SRGAP2B: variants seen among roughly 807,000 people sequenced by gnomAD.
SRGAP2B encodes the protein SLIT-ROBO Rho GTPase activating protein 2B, also known as SLIT-ROBO Rho GTPase-activating protein 2B.
SRGAP2B carries 9 observed loss-of-function variants against 22.2 expected under a neutral mutation model. That is an observed-to-expected ratio of 0.41 (90% CI 0.24 to 0.71). The LOEUF (loss-of-function observed/expected upper bound fraction) is 0.71. SRGAP2B is among the 30% of genes least tolerant of loss of function. The probability of loss-of-function intolerance (pLI) is 0.35; values close to 1 mark genes in which losing one functional copy is unlikely to be tolerated. For missense variants in SRGAP2B, 114 were observed against 235.8 expected (o/e 0.48, Z 3.38); for synonymous variants, 36 against 87.4 (o/e 0.41, Z 3.28).
intron 2 of SRGAP2B, among the ~76,000 whole-genome samples, chr1:144,997,156 C>T (rs1386022107): frequency 6.0e-5 from 9 of 150,560 alleles, no homozygotes; most frequent in East Asian, 1.9e-4. Flanking sequence ...GTGCCAGGCG[C>T]GGTGGCTCAC....
intron 5 of SRGAP2B, among the ~76,000 whole-genome samples, chr1:144,912,116 AT>A (rs1157778341): frequency 2.7e-5 from 4 of 146,174 alleles, no homozygotes; most frequent in African/African-American, 7.9e-5. Flanking sequence ...ATGCCCAGCT[AT>A]TTTTTTTTGT....
chr1:145,012,028 C>T (rs1331453147), intron 2 of SRGAP2B, among the ~76,000 whole-genome samples: 2 of 151,018 alleles, frequency 1.3e-5, no homozygotes, highest in Non-Finnish European at 1.5e-5. Context: ...CCCACAGTCA[C>T]GTGGTTAGCT....
intron 4 of SRGAP2B, among the ~76,000 whole-genome samples, chr1:144,927,414 A>G (rs1349281233): frequency 8.0e-5 from 12 of 150,774 alleles, no homozygotes; most frequent in African/African-American, 3.0e-4. Context: ...GTCTGAAAAC[A>G]TCTTTAGTTC....
At chr1:144,952,506 T>TC (rs1570829672) in intron 4 of SRGAP2B, among the ~76,000 whole-genome samples, 1 of 150,260 alleles carries the variant, frequency 6.7e-6, no homozygotes, top group African/African-American at 2.5e-5. Flanking sequence ...GAATCAATTT[T>TC]TTTTTTTTTA....
chr1:145,076,104 G>C (rs1413694609), intron 2 of SRGAP2B, among the ~76,000 whole-genome samples: 1 of 150,404 alleles, frequency 6.6e-6, no homozygotes, highest in Non-Finnish European at 1.5e-5. Context: ...TCCAAAGGGA[G>C]AGAAATATAC....
rs1372296402 is a variant in SRGAP2B at position 144,912,098 on chromosome 1, C to T, written c.486+2594G>A. 2.7e-5 allele frequency among the ~76,000 whole-genome samples: 4 copies of T among 148,456 alleles called. 1 individual carries two copies. The East Asian group carries it at 7.8e-4, about 29-fold the overall frequency. ...CCCCAGTAGCTGGGACTACAGGCACCCGCCACCATGCCCAGCTATTTTTTT... is the reference window on the plus strand; with the variant it reads ...CCCCAGTAGCTGGGACTACAGGCACTCGCCACCATGCCCAGCTATTTTTTT... On this transcript the variant is annotated intron_variant, in intron 5 of 9. Coordinates refer to ENST00000612199, the Ensembl canonical transcript of SRGAP2B.
intron 2 of SRGAP2B, among the ~76,000 whole-genome samples, chr1:145,067,994 G>C (rs587619312): frequency 5.1e-5 from 2 of 39,214 alleles, no homozygotes; most frequent in Non-Finnish European, 9.8e-5. Context: ...ACGAGGTCAA[G>C]TGTTTGAGAC....
chr1:144,934,403 C>CAAAAAAAAA (rs782588401), intron 4 of SRGAP2B, among the ~76,000 whole-genome samples: 24 of 40,678 alleles, frequency 5.9e-4, no homozygotes, highest in African/African-American at 2.3e-3. Context: ...AACTCCATCT[C>CAAAAAAAAA]AAAAAAAAAA....
rs1382251753 is a variant in SRGAP2B, at chr1:145,070,029, T to C, written c.67+22806A>G. 2.7e-5 allele frequency among the ~76,000 whole-genome samples: 4 copies of C among 149,648 alleles called. No individual in the cohort carries two copies. The South Asian group carries it at 8.5e-4, about 32-fold the overall frequency. On this transcript the variant is annotated intron_variant, in intron 2 of 9. Transcript: ENST00000612199. ...TCCTTTGGCTGGTTGAGAAGGAATG[T>C]CATCTTTTTTTTTTTTTTTTTAAAG...
intron 2 of SRGAP2B, among the ~76,000 whole-genome samples, chr1:145,057,017 A>C (rs1650468680): frequency 6.8e-6 from 1 of 148,074 alleles, no homozygotes; most frequent in African/African-American, 2.5e-5. Flanking sequence ...GCATTAAAAA[A>C]TAATAATAAT....
chr1:144,922,694 C>G (rs1335403191), intron 4 of SRGAP2B, among the ~76,000 whole-genome samples: 3 of 150,262 alleles, frequency 2.0e-5, no homozygotes, highest in Admixed American at 6.6e-5. Context: ...GGCTGTACAA[C>G]TAGGATATGG....
At chr1:144,921,368 A>G (rs1664241602) in intron 4 of SRGAP2B, among the ~76,000 whole-genome samples, 1 of 147,390 alleles carries the variant, frequency 6.8e-6, no homozygotes, top group Non-Finnish European at 1.5e-5. Context: ...TAAGTTACTA[A>G]TGGATATTTC....
At chr1:144,926,379 TA>T (rs1255456425) in intron 4 of SRGAP2B, among the ~76,000 whole-genome samples, 1 of 57,314 alleles carries the variant, frequency 1.7e-5, no homozygotes, top group African/African-American at 7.7e-5. Context: ...GGTACAATAC[TA>T]TTCTTTGAGT....
intron 3 of SRGAP2B, among the ~76,000 whole-genome samples, chr1:144,966,399 T>C (rs1668085842): frequency 6.8e-6 from 1 of 148,098 alleles, no homozygotes; most frequent in Admixed American, 6.6e-5. Context: ...CTAAGCTTCA[T>C]AAGTGAAGGA....
intron 3 of SRGAP2B, among the ~76,000 whole-genome samples, chr1:144,965,425 G>C (rs1386888746): frequency 2.8e-5 from 4 of 142,452 alleles, no homozygotes; most frequent in East Asian, 2.0e-4. Flanking sequence ...CTGCAGCTGA[G>C]GGTCCTGTCT....
At chr1:144,909,403 T>C (rs1204623195) in intron 5 of SRGAP2B, among the ~76,000 whole-genome samples, 1 of 144,828 alleles carries the variant, frequency 6.9e-6, no homozygotes, top group Non-Finnish European at 1.5e-5. Context: ...GCTAACACGA[T>C]GAAACCCCGT....
intron 2 of SRGAP2B, among the ~76,000 whole-genome samples, chr1:145,076,266 A>G (rs1652498332): frequency 6.7e-6 from 1 of 149,212 alleles, no homozygotes. Flanking sequence ...GGCTCAAGAG[A>G]TTCTCCTGCC....
At chr1:145,023,293 A>G (rs1329571552) in intron 2 of SRGAP2B, among the ~76,000 whole-genome samples, 1 of 138,042 alleles carries the variant, frequency 7.2e-6, no homozygotes, top group Admixed American at 7.3e-5. Flanking sequence ...TTAAACCCAT[A>G]GACATTAGAA....
At chr1:144,913,008 G>A (rs1157897676) in intron 5 of SRGAP2B, among the ~76,000 whole-genome samples, 1,380 of 130,634 alleles carry the variant, frequency 0.011, 13 homozygotes, top group Non-Finnish European at 0.016. Context: ...TGCAGTCAGA[G>A]GTAGCAGCTC....
Sources: allele counts gnomAD v4.1 joint callset (sites outside exome capture counted in the v4.1 genomes callset), GRCh38; gene constraint gnomAD v4.1.1; transcripts MANE v1.5; gene names NCBI Gene and HGNC (gene_info 2026-07-23, HGNC 2026-07-21).